Variants in MAGI3 observed in about 807,000 individuals in gnomAD.
MAGI3 encodes the protein membrane associated guanylate kinase, WW and PDZ domain containing 3, also known as membrane-associated guanylate kinase, WW and PDZ domain-containing protein 3.
Under a neutral mutation model 121.8 loss-of-function variants are expected in MAGI3, and 43 were observed. The ratio of observed to expected loss-of-function variants is 0.35; its 90% CI spans 0.28 to 0.46. The LOEUF (loss-of-function observed/expected upper bound fraction) is 0.46, where lower values mean the gene tolerates loss of function less well. Among genes scored for constraint, MAGI3 ranks in the 20% least tolerant of loss-of-function variants. The pLI, the probability that MAGI3 is intolerant of heterozygous loss-of-function variation, is 1.00. For missense variants in MAGI3, 1,547 were observed against 1,797.3 expected, an observed-to-expected ratio of 0.86 and a Z score of 2.52; for synonymous variants, 553 against 639.3, an observed-to-expected ratio of 0.86 and a Z score of 2.04.
chr1:113,656,524 G>A (rs200804928), intron 15 of MAGI3, among the ~76,000 whole-genome samples: 24 of 150,976 alleles, frequency 1.6e-4, no homozygotes, highest in Non-Finnish European at 3.1e-4. Flanking sequence ...AGTGATTCTC[G>A]TGCCTCAGCC....
At chr1:113,618,356 G>T (rs6694929) in intron 7 of MAGI3, among the ~76,000 whole-genome samples, 2,754 of 151,780 alleles carry the variant, frequency 0.018, 88 homozygotes, top group African/African-American at 0.063. Flanking sequence ...AATAAATAAA[G>T]AAATAAAAAG....
At chr1:113,600,626 C>T (rs1390418656) in intron 6 of MAGI3, among the ~76,000 whole-genome samples, 1 of 152,122 alleles carries the variant, frequency 6.6e-6, no homozygotes, top group Non-Finnish European at 1.5e-5. Context: ...GAATCAATAT[C>T]GTGAAAATGG....
chr1:113,598,572 A>T (rs943686200), intron 6 of MAGI3, among the ~76,000 whole-genome samples: 1 of 151,376 alleles, frequency 6.6e-6, no homozygotes. Context: ...AACAACAGTT[A>T]AAAAAAAAGA....
intron 1 of MAGI3, among the ~76,000 whole-genome samples, chr1:113,418,602 A>G (rs896912140): frequency 1.3e-5 from 2 of 151,746 alleles, no homozygotes; most frequent in Non-Finnish European, 2.9e-5. Context: ...TCTTTTTTTA[A>G]TTTATAAATA....
intron 6 of MAGI3, among the ~76,000 whole-genome samples, chr1:113,608,356 C>G (rs1337906273): frequency 6.6e-6 from 1 of 152,044 alleles, no homozygotes; most frequent in Non-Finnish European, 1.5e-5. Flanking sequence ...TCTGAGGGGC[C>G]AATAAATAAT....
intron 1 of MAGI3, among the ~76,000 whole-genome samples, chr1:113,530,858 G>A (rs1255157733): frequency 4.6e-5 from 7 of 152,100 alleles, no homozygotes; most frequent in East Asian, 1.9e-4. Flanking sequence ...CGAGGCTGCC[G>A]TAAGCTGTGA....
intron 6 of MAGI3, among the ~76,000 whole-genome samples, chr1:113,600,312 T>C (rs1649287661): frequency 6.6e-6 from 1 of 152,020 alleles, no homozygotes; most frequent in South Asian, 2.1e-4. Context: ...TGATAGTATA[T>C]CTAGAAAACC....
chr1:113,433,099 G>T (rs1653387745), intron 1 of MAGI3, among the ~76,000 whole-genome samples: 1 of 152,050 alleles, frequency 6.6e-6, no homozygotes, highest in Admixed American at 6.6e-5. Flanking sequence ...GTTTTAATTT[G>T]CATCCCTTGA....
chr1:113,469,658 G>A (rs188450643), intron 1 of MAGI3, among the ~76,000 whole-genome samples: 17 of 152,146 alleles, frequency 1.1e-4, no homozygotes, highest in African/African-American at 4.1e-4. Context: ...AAATGAAATG[G>A]TTATTTATAT....
At chr1:113,448,297 T>C (rs372164580) in intron 1 of MAGI3, among the ~76,000 whole-genome samples, 55 of 152,364 alleles carry the variant, frequency 3.6e-4, no homozygotes, top group African/African-American at 1.2e-3. Context: ...TAGGTTATAA[T>C]ATTAGAATAG....
intron 1 of MAGI3, among the ~76,000 whole-genome samples, chr1:113,488,701 C>T (rs1039975210): frequency 1.3e-5 from 2 of 152,196 alleles, no homozygotes; most frequent in Non-Finnish European, 2.9e-5. Flanking sequence ...CCCCTCCACC[C>T]ACCAACTGCC....
Position 113,683,939 on chromosome 1 carries a change from A to G in MAGI3, c.4371A>G (p.Ile1457Met). ...ESSSPVKKTL[I>M]TPGPWKVPSG... is the part of the protein sequence containing the mutation. ...GTTCTCCAGTTAAGAAAACACTGAT[A>G]ACTCCAGGGCCCTGGAAGGTTCCAA... is the stretch of plus-strand genomic sequence containing the variant. Residue 1457 changes from isoleucine (I) to methionine (M), a missense_variant, in exon 21 of 21, where the codon ATA (isoleucine) becomes ATG (methionine). Transcript: ENST00000307546. 6.2e-7 allele frequency: 1 copy of G among 1,610,114 alleles called. No homozygotes were observed. Among genetic ancestry groups the G allele is most frequent in the Non-Finnish European group, 8.5e-7 (1 of 1,178,096 alleles).
chr1:113,525,989 A>G (rs769316140), intron 1 of MAGI3, among the ~76,000 whole-genome samples: 10 of 152,182 alleles, frequency 6.6e-5, no homozygotes, highest in Non-Finnish European at 1.3e-4. Context: ...TGACAGAGTG[A>G]GACTCCATCT....
chr1:113,562,595 GA>G (rs1021125173), intron 2 of MAGI3, among the ~76,000 whole-genome samples: 1 of 152,162 alleles, frequency 6.6e-6, no homozygotes, highest in African/African-American at 2.4e-5. Flanking sequence ...ATTTGGAACA[GA>G]AAATCAGATG....
At chr1:113,525,333 T>C (rs1314054432) in intron 1 of MAGI3, among the ~76,000 whole-genome samples, 1 of 152,190 alleles carries the variant, frequency 6.6e-6, no homozygotes, top group East Asian at 1.9e-4. Flanking sequence ...TCCTGACTCT[T>C]CAGTCTGTTA....
At chr1:113,507,782 G>A (rs1044389166) in intron 1 of MAGI3, among the ~76,000 whole-genome samples, 2 of 152,146 alleles carry the variant, frequency 1.3e-5, no homozygotes, top group African/African-American at 2.4e-5. Flanking sequence ...TCTGTATAAT[G>A]TGATCTCATT....
At chr1:113,632,117 T>C (rs543292809) in intron 9 of MAGI3, among the ~76,000 whole-genome samples, 15 of 152,326 alleles carry the variant, frequency 9.8e-5, no homozygotes, top group African/African-American at 3.6e-4. Flanking sequence ...TGCTTTCCCA[T>C]TGAGGTAACA....
chr1:113,401,602 A>T (rs1204630531), intron 1 of MAGI3, among the ~76,000 whole-genome samples: 2 of 152,210 alleles, frequency 1.3e-5, no homozygotes, highest in Non-Finnish European at 2.9e-5. Flanking sequence ...AAAATTGCAT[A>T]TTAGAAATAA....
chr1:113,473,164 C>G (rs1449868241), intron 1 of MAGI3, among the ~76,000 whole-genome samples: 1 of 152,092 alleles, frequency 6.6e-6, no homozygotes, highest in Admixed American at 6.5e-5. Flanking sequence ...TTTTGTTTTT[C>G]TAGGAAAGTC....
Sources: gnomAD v4.1 joint callset for allele counts (sites outside exome capture counted in the v4.1 genomes callset) on GRCh38, gnomAD v4.1.1 for gene constraint, MANE v1.5 for transcripts, NCBI Gene and HGNC (gene_info 2026-07-23, HGNC 2026-07-21) for gene names.